The following HECW1 variants were observed in gnomAD, a reference collection of about 807,000 sequenced individuals.
The protein encoded by HECW1 is HECT, C2 and WW domain containing E3 ubiquitin protein ligase 1.
A neutral mutation model predicts 182.3 loss-of-function variants in HECW1; 61 were observed. The observed-to-expected ratio is 0.33, with a 90% CI of 0.27 to 0.41. HECW1 has a LOEUF of 0.41. Among genes scored for constraint, HECW1 ranks in the 10% least tolerant of loss-of-function variants. The pLI, the probability that HECW1 is intolerant of heterozygous loss-of-function variation, is 1.00. For synonymous variants in HECW1, 859 were observed against 832.6 expected (o/e 1.03, Z -0.55); for missense variants, 1,739 against 2,108.9 (o/e 0.82, Z 3.44).
chr7:43,541,165 T>G lies in HECW1; in HGVS notation c.4022T>G (p.Phe1341Cys). Residue 1341 changes from phenylalanine (F) to cysteine (C), a missense_variant and splice_region_variant, in exon 25 of 30, where the codon TTC becomes TGC. This residue lies in a region of HECW1 where 420 missense variants were observed against 595.7 expected (regional missense o/e 0.71). Transcript: ENST00000395891. Reference protein sequence around the residue: ...SAFVENHLEWFRFSGRILGLA... With the variant: ...SAFVENHLEWCRFSGRILGLA... ...TCTCTGCCTTGTCTGTGTTCCAGGT[T>G]CAGGTTTAGCGGTCGCATCCTGGGT... 5 of 1,613,190 alleles carry G rather than the reference T, an allele frequency of 3.1e-6. No individual in the cohort carries two copies. Among genetic ancestry groups the G allele is most frequent in the Non-Finnish European group, 4.2e-6 (5 of 1,179,106 alleles).
intron 24 of HECW1, among the ~76,000 whole-genome samples, chr7:43,516,971 C>T (rs1338413031): frequency 6.6e-6 from 1 of 152,160 alleles, no homozygotes; most frequent in Non-Finnish European, 1.5e-5. Flanking sequence ...AAATGGTACA[C>T]CTGTATAGGG....
At chr7:43,232,270 G>C (rs1797954650) in intron 2 of HECW1, among the ~76,000 whole-genome samples, 1 of 152,152 alleles carries the variant, frequency 6.6e-6, no homozygotes, top group African/African-American at 2.4e-5. Flanking sequence ...TCCTCCACTG[G>C]TGAACTATAA....
At chr7:43,396,642 G>A (rs997936128) in intron 6 of HECW1, 172 bp from the exon 7 acceptor site, 61 of 548,476 alleles carry the variant, frequency 1.1e-4, no homozygotes, top group Middle Eastern at 4.9e-4. Context: ...CTACTACTGG[G>A]AAAAACATTA....
In HECW1 at chr7:43,444,109, T is replaced by TATCC; in HGVS notation, c.1046-108_1046-105dup. 1 of 1,105,688 alleles carries TATCC rather than the reference T, an allele frequency of 9.0e-7. No homozygotes were observed. The highest frequency in any genetic ancestry group is 1.6e-5 in the South Asian group (1 of 61,042). The allele number at this position is 1,105,688 out of a possible 1,614,324, so 68.5% of individuals were successfully genotyped here. On this transcript the variant is annotated intron_variant, in intron 10 of 29. Coordinates refer to ENST00000395891, the MANE Select transcript of HECW1 (RefSeq NM_015052.5). This position sits in a 1 kb window ranked among gnomAD's most constrained non-coding sequence, Gnocchi z 4.3. ...GAAACCCTCATCAACCTACATTCAA[T>TATCC]ATCCTAATGTAGAAATCCCTTAGTG... is the stretch of plus-strand genomic sequence containing the variant.
At chr7:43,254,140 C>A (rs1181763187) in intron 3 of HECW1, among the ~76,000 whole-genome samples, 1 of 151,928 alleles carries the variant, frequency 6.6e-6, no homozygotes, top group African/African-American at 2.4e-5. Flanking sequence ...AATGAATATC[C>A]CCAGATTAGA....
rs548399844 is a variant in HECW1, at chr7:43,515,744, G to A, written c.4019+6623G>A. Among the ~76,000 whole-genome samples the A allele has an allele frequency of 1.6e-4, 24 of 152,294 alleles. 1 individual carries two copies. In the South Asian group the frequency reaches 5.0e-3, roughly 32 times the overall value. On this transcript the variant is annotated intron_variant, in intron 24 of 29. Coordinates refer to ENST00000395891, the MANE Select transcript of HECW1 (RefSeq NM_015052.5). ...TTATAGTAGCACACTCCCAGATGCT[G>A]TGAGATATGTTATTTCAACATTTTT...
In HECW1 at chr7:43,311,775, A is replaced by G; in HGVS notation, c.40A>G (p.Asn14Asp). ...TTTGCTCCCACAGAATCTGTACCAG[A>G]ACAGGTTTTTAGGCCTGGCCGCCAT... ...HLCSVKNLYQ[N>D]RFLGLAAMAS... Residue 14 changes from asparagine (N) to aspartate (D), a missense_variant, in exon 4 of 30, where the codon AAC (asparagine) becomes GAC (aspartate). By Grantham distance (23) the Asn-to-Asp change is conservative. Transcript: ENST00000395891. 1 of 1,613,936 alleles carries G rather than the reference A, an allele frequency of 6.2e-7. No homozygotes were observed. Among genetic ancestry groups the G allele is most frequent in the Non-Finnish European group, 8.5e-7 (1 of 1,179,896 alleles).
chr7:43,367,811 T>C (rs917523279), intron 6 of HECW1, among the ~76,000 whole-genome samples: 2 of 152,212 alleles, frequency 1.3e-5, no homozygotes, highest in Admixed American at 6.5e-5. Flanking sequence ...TGGTTAGATA[T>C]CAACATAATG....
intron 2 of HECW1, chr7:43,148,822 G>A (rs1788986426): frequency 6.6e-6 from 1 of 151,728 alleles, no homozygotes; most frequent in South Asian, 2.1e-4. Context: ...TACAGATTCT[G>A]ATCTAGTAGG....
rs549282597 is a variant in HECW1, at chr7:43,343,688, T to C, written c.461-17198T>C. ...TCATTGATGGACATTTGGGTTGGTT[T>C]CAAGTCTTTGCTATTGTGAATAGTG... On this transcript the variant is annotated intron_variant, in intron 5 of 29. Transcript: ENST00000395891. Among the ~76,000 whole-genome samples the C allele has an allele frequency of 3.9e-4, 60 of 151,970 alleles. 2 individuals are homozygous for C. Among genetic ancestry groups the C allele is most frequent in the African/African-American group, 6.8e-4 (28 of 41,254 alleles).
At chr7:43,213,439 A>ATTTTTTTTTTTTTTTTTTTTTTTTTTT in intron 2 of HECW1, among the ~76,000 whole-genome samples, 1 of 92,484 alleles carries the variant, frequency 1.1e-5, no homozygotes, top group Non-Finnish European at 2.2e-5. Context: ...GATCATAAGA[A>ATTTTTTTTTTTTTTTTTTTTTTTTTTT]TTTTTTTTTT....
intron 3 of HECW1, among the ~76,000 whole-genome samples, chr7:43,286,076 A>T (rs1376310086): frequency 6.6e-6 from 1 of 152,156 alleles, no homozygotes; most frequent in Non-Finnish European, 1.5e-5. Context: ...CATGTCCAAG[A>T]TGGAAAGGAC....
intron 13 of HECW1, among the ~76,000 whole-genome samples, chr7:43,462,216 A>C (rs2077610116): frequency 2.7e-5 from 4 of 147,172 alleles, no homozygotes; most frequent in East Asian, 2.0e-4. Context: ...CCCTCCCTCC[A>C]CCCCTTCATT....
chr7:43,149,085 C>A (rs1014689783), intron 2 of HECW1, among the ~76,000 whole-genome samples: 1 of 151,944 alleles, frequency 6.6e-6, no homozygotes, highest in African/African-American at 2.4e-5. Flanking sequence ...CAGATGAATG[C>A]TAAAATTAGA....
At chr7:43,421,750 C>CAA (rs2076190538) in intron 8 of HECW1, among the ~76,000 whole-genome samples, 1 of 152,124 alleles carries the variant, frequency 6.6e-6, no homozygotes. Flanking sequence ...CACCAGTGTG[C>CAA]AATGGTATGG....
chr7:43,350,210 T>C (rs530304284), intron 5 of HECW1, among the ~76,000 whole-genome samples: 1 of 152,338 alleles, frequency 6.6e-6, no homozygotes, highest in African/African-American at 2.4e-5. Context: ...TTCTAGCTTG[T>C]AGGGTTTCTG....
intron 6 of HECW1, 114 bp from the exon 7 acceptor site, chr7:43,396,700 G>A: frequency 1.4e-6 from 1 of 698,496 alleles, no homozygotes; most frequent in South Asian, 1.7e-5. Flanking sequence ...TGAAATCACT[G>A]TCTTCGTTGC....
rs548085681 is a variant in HECW1, at chr7:43,145,419, C to G, written c.-32+31028C>G. Among the ~76,000 whole-genome samples the G allele has an allele frequency of 1.0e-3, 158 of 152,332 alleles. 1 individual carries two copies. Among genetic ancestry groups the G allele is most frequent in the Non-Finnish European group, 2.5e-4 (17 of 68,026 alleles). On this transcript the variant is annotated intron_variant, in intron 2 of 29. Transcript: ENST00000395891. ...CAGGCGATCCTCCCACCTCAGCCTCCTGAGTAGCTGGGACCACAGATATGT... is the reference window on the plus strand; with the variant it reads ...CAGGCGATCCTCCCACCTCAGCCTCGTGAGTAGCTGGGACCACAGATATGT...
chr7:43,136,707 A>G (rs1787574930), intron 2 of HECW1, among the ~76,000 whole-genome samples: 1 of 152,148 alleles, frequency 6.6e-6, no homozygotes, highest in Non-Finnish European at 1.5e-5. Flanking sequence ...CAGTTTTGCA[A>G]TCCAACCCAT....
Sources: allele counts gnomAD v4.1 joint callset (sites outside exome capture counted in the v4.1 genomes callset), GRCh38; gene constraint gnomAD v4.1.1; regional missense constraint gnomAD v4.1.1; non-coding constraint Gnocchi (gnomAD v3.1); transcripts MANE v1.5; gene names NCBI Gene and HGNC (gene_info 2026-07-23, HGNC 2026-07-21).